Variants in DOK5 observed in about 807,000 individuals in gnomAD.
DOK5 encodes the protein downstream of tyrosine kinase 5.
Under a neutral mutation model 43.3 loss-of-function variants are expected in DOK5, and 27 were observed. That is an observed-to-expected ratio of 0.62 (90% confidence interval 0.46 to 0.86). The LOEUF (loss-of-function observed/expected upper bound fraction) is 0.86. Ranked by LOEUF, DOK5 falls within the 40% of genes least tolerant of loss-of-function variation. The probability of loss-of-function intolerance (pLI) is 0.00; values close to 1 mark genes in which losing one functional copy is unlikely to be tolerated. For missense variants in DOK5, 373 were observed against 392.9 expected, an observed-to-expected ratio of 0.95 and a Z score of 0.43; for synonymous variants, 146 against 140.1, an observed-to-expected ratio of 1.04 and a Z score of -0.30.
At chr20:54,528,212 A>T (rs1983644614) in intron 1 of DOK5, among the ~76,000 whole-genome samples, 4 of 152,216 alleles carry the variant, frequency 2.6e-5, no homozygotes, top group African/African-American at 9.6e-5. Flanking sequence ...GTCTCAAAAC[A>T]AAACAAACCA....
chr20:54,617,764 A>G (rs1296540736), intron 6 of DOK5, among the ~76,000 whole-genome samples: 1 of 152,148 alleles, frequency 6.6e-6, no homozygotes, highest in Non-Finnish European at 1.5e-5. Context: ...CTGGAATAAT[A>G]TTTACTTAGT....
At position 54,591,751 on chromosome 20, in the gene DOK5, G is replaced by A; in HGVS notation, c.545G>A (p.Ser182Asn). The A allele has an allele frequency of 2.5e-6, 4 of 1,614,232 alleles. No homozygotes were observed. The highest frequency in any genetic ancestry group is 3.4e-6 in the Non-Finnish European group (4 of 1,180,044). ...PRVKLISWPL[S>N]ALRRYGRDTT... The stretch of plus-strand genomic sequence containing the variant: ...GTCAAACTCATCTCTTGGCCGCTAA[G>A]CGCCCTGCGGCGGTATGGACGTGAT... The change falls in exon 5 of 8, where the codon AGC becomes AAC. Residue 182 changes from serine (S) to asparagine (N), a missense_variant. Transcript: ENST00000262593.
chr20:54,519,329 C>A (rs889428687), intron 1 of DOK5, among the ~76,000 whole-genome samples: 4 of 152,086 alleles, frequency 2.6e-5, no homozygotes, highest in African/African-American at 9.7e-5. Flanking sequence ...GCATCTGTTC[C>A]ATAGTAAATG....
intron 2 of DOK5, among the ~76,000 whole-genome samples, chr20:54,557,540 G>T (rs1484974286): frequency 2.6e-5 from 4 of 152,144 alleles, no homozygotes; most frequent in Non-Finnish European, 5.9e-5. Context: ...TGGTCAATGC[G>T]ATCACGCGAT....
chr20:54,586,582 A>G (rs1411699061), intron 2 of DOK5, among the ~76,000 whole-genome samples: 6 of 152,236 alleles, frequency 3.9e-5, no homozygotes, highest in Non-Finnish European at 8.8e-5. Flanking sequence ...TTCCTGCCCT[A>G]TGTAACTCTC....
chr20:54,622,084 C>G (rs542056952), intron 6 of DOK5, among the ~76,000 whole-genome samples: 15 of 152,042 alleles, frequency 9.9e-5, no homozygotes, highest in Admixed American at 7.2e-4. Context: ...GTCCCAGCTA[C>G]TTGGGAGGTT....
At chr20:54,487,820 A>AT (rs1485170528) in intron 1 of DOK5, among the ~76,000 whole-genome samples, 4 of 152,088 alleles carry the variant, frequency 2.6e-5, no homozygotes, top group Non-Finnish European at 5.9e-5. Context: ...CCAAGCCCTT[A>AT]TTTTTTCTTC....
chr20:54,577,104 G>A (rs952100870), intron 2 of DOK5, among the ~76,000 whole-genome samples: 1 of 152,164 alleles, frequency 6.6e-6, no homozygotes, highest in Non-Finnish European at 1.5e-5. Flanking sequence ...TGTTTTAGAA[G>A]CTGGAAGTTC....
intron 2 of DOK5, among the ~76,000 whole-genome samples, chr20:54,576,825 G>A (rs1238941464): frequency 6.6e-6 from 1 of 152,182 alleles, no homozygotes; most frequent in Non-Finnish European, 1.5e-5. Flanking sequence ...TTTAGTTCAG[G>A]CTGCCTTCTT....
chr20:54,618,020 A>C (rs1333422716), intron 6 of DOK5, among the ~76,000 whole-genome samples: 2 of 152,126 alleles, frequency 1.3e-5, no homozygotes, highest in Non-Finnish European at 2.9e-5. Flanking sequence ...TTGAGAACCT[A>C]CTATGTTCTG....
chr20:54,609,452 A>AAAAT (rs1986572794), intron 5 of DOK5, among the ~76,000 whole-genome samples: 1 of 152,020 alleles, frequency 6.6e-6, no homozygotes, highest in Admixed American at 6.5e-5. Flanking sequence ...AAGTTCTTTA[A>AAAAT]AAATATTTAT....
chr20:54,618,606 G>GTGC (rs1986888850), intron 6 of DOK5, among the ~76,000 whole-genome samples: 1 of 152,168 alleles, frequency 6.6e-6, no homozygotes, highest in East Asian at 1.9e-4. Context: ...GCCTCCCAAA[G>GTGC]TGCTGGGACC....
intron 1 of DOK5, among the ~76,000 whole-genome samples, chr20:54,509,951 G>A (rs1982955733): frequency 6.6e-6 from 1 of 151,694 alleles, no homozygotes; most frequent in Admixed American, 6.6e-5. Flanking sequence ...TAAAAATACT[G>A]GGGTGGGGGG....
intron 1 of DOK5, among the ~76,000 whole-genome samples, chr20:54,538,201 T>C (rs1056804942): frequency 6.6e-6 from 1 of 151,054 alleles, no homozygotes; most frequent in Non-Finnish European, 1.5e-5. Context: ...GGTTTTATTA[T>C]GCACTTTTTT....
At chr20:54,518,178 G>A (rs541969543) in intron 1 of DOK5, among the ~76,000 whole-genome samples, 6 of 151,948 alleles carry the variant, frequency 3.9e-5, no homozygotes, top group Non-Finnish European at 7.4e-5. Context: ...CAACATGCAA[G>A]TTTGTTACAT....
intron 1 of DOK5, 82 bp from the exon 2 acceptor site, chr20:54,554,851 G>A (rs1984655869): frequency 2.3e-6 from 2 of 884,264 alleles, no homozygotes; most frequent in African/African-American, 3.3e-5. Context: ...TATTTCACAG[G>A]TGAAAACATC....
intron 1 of DOK5, among the ~76,000 whole-genome samples, chr20:54,492,655 T>G (rs1178526349): frequency 1.3e-5 from 2 of 151,834 alleles, no homozygotes; most frequent in African/African-American, 2.4e-5. Flanking sequence ...CCAGGTACAC[T>G]CTGGTAAAGA....
intron 1 of DOK5, among the ~76,000 whole-genome samples, chr20:54,497,546 A>G (rs542663101): frequency 1.3e-5 from 2 of 152,308 alleles, no homozygotes; most frequent in African/African-American, 4.8e-5. Flanking sequence ...TGAGGTTTTC[A>G]TGTTTTGCTC....
intron 1 of DOK5, among the ~76,000 whole-genome samples, chr20:54,541,802 A>G (rs1282971295): frequency 6.6e-6 from 1 of 152,172 alleles, no homozygotes; most frequent in Non-Finnish European, 1.5e-5. Context: ...CACCACTGCC[A>G]GCCCTGAACT....
Sources: gnomAD v4.1 joint callset for allele counts (sites outside exome capture counted in the v4.1 genomes callset) on GRCh38, gnomAD v4.1.1 for gene constraint, MANE v1.5 for transcripts, NCBI Gene and HGNC (gene_info 2026-07-23, HGNC 2026-07-21) for gene names.